The following MRE11 variants were observed in gnomAD, a reference collection of about 807,000 sequenced individuals.
The protein encoded by MRE11 is double-strand break repair protein MRE11.
Under a neutral mutation model 91.7 loss-of-function variants are expected in MRE11, and 62 were observed. The observed-to-expected ratio is 0.68, with a 90% CI of 0.55 to 0.84. The LOEUF is 0.84. MRE11 is among the 40% of genes least tolerant of loss of function. The probability of loss-of-function intolerance (pLI) is 0.00; values close to 1 mark genes in which losing one functional copy is unlikely to be tolerated. For missense variants in MRE11, 796 were observed against 852.9 expected (o/e 0.93, Z 0.83); for synonymous variants, 273 against 271.4 (o/e 1.01, Z -0.06).
At chr11:94,495,571 G>A (rs1565245647), upstream of MRE11, among the ~76,000 whole-genome samples, 1 of 152,114 alleles carries the variant, frequency 6.6e-6, no homozygotes, top group African/African-American at 2.4e-5. Context: ...TTGAGAGGCT[G>A]GGAATTCGTA....
intron 14 of MRE11, among the ~76,000 whole-genome samples, chr11:94,453,940 C>A (rs1005572255): frequency 3.3e-5 from 5 of 151,756 alleles, no homozygotes; most frequent in Non-Finnish European, 4.4e-5. Flanking sequence ...AACAAACAAA[C>A]AAAAAAACAC....
intron 5 of MRE11, 141 bp from the exon 6 acceptor site, chr11:94,479,017 T>C: frequency 1.1e-6 from 1 of 885,836 alleles, no homozygotes; most frequent in African/African-American, 1.7e-5. Context: ...AAAACAAAAT[T>C]ACAATAGTAA....
At chr11:94,502,735 A>G in the MRE11 span, among the ~76,000 whole-genome samples, 2 of 152,020 alleles carry the variant, frequency 1.3e-5, no homozygotes, top group African/African-American at 4.8e-5. Context: ...GTGCACTGGC[A>G]TGATCTCAGC....
chr11:94,458,370 C>T (rs898874039), intron 13 of MRE11, among the ~76,000 whole-genome samples: 15 of 54,044 alleles, frequency 2.8e-4, no homozygotes, highest in Admixed American at 1.3e-3. Flanking sequence ...GATTATACTA[C>T]GCAGTTTTTT....
intron 14 of MRE11, among the ~76,000 whole-genome samples, chr11:94,455,572 G>T (rs1946229276): frequency 1.3e-5 from 2 of 151,960 alleles, no homozygotes; most frequent in Admixed American, 1.3e-4. Context: ...CCAGGTAGAG[G>T]CCCCAAATTT....
At chr11:94,439,754 C>T (rs1945723631) in intron 16 of MRE11, among the ~76,000 whole-genome samples, 1 of 152,190 alleles carries the variant, frequency 6.6e-6, no homozygotes, top group Admixed American at 6.5e-5. Flanking sequence ...ATCATTGTCC[C>T]ATCCTACAGA....
At chr11:94,481,907 T>C (rs1167822131) in intron 4 of MRE11, among the ~76,000 whole-genome samples, 1 of 152,162 alleles carries the variant, frequency 6.6e-6, no homozygotes, top group Non-Finnish European at 1.5e-5. Flanking sequence ...GATTAAATTA[T>C]CCAAAATGAA....
intron 16 of MRE11, among the ~76,000 whole-genome samples, chr11:94,437,647 T>G (rs1369164144): frequency 6.6e-6 from 1 of 152,216 alleles, no homozygotes; most frequent in Non-Finnish European, 1.5e-5. Context: ...CAGTAGTTTC[T>G]CATTTTCCTC....
chr11:94,435,007 G>C (rs531227903), intron 18 of MRE11, among the ~76,000 whole-genome samples: 1 of 152,078 alleles, frequency 6.6e-6, no homozygotes, highest in Admixed American at 6.5e-5. Flanking sequence ...AAATGTTAAC[G>C]TATAAAAGCA....
At chr11:94,500,044 C>A in the MRE11 span, among the ~76,000 whole-genome samples, 1 of 152,102 alleles carries the variant, frequency 6.6e-6, no homozygotes, top group South Asian at 2.1e-4. Context: ...TGCTTTGTGG[C>A]AGAGGTTGCT....
the MRE11 span, among the ~76,000 whole-genome samples, chr11:94,509,855 G>C: frequency 6.6e-6 from 1 of 152,090 alleles, no homozygotes; most frequent in African/African-American, 2.4e-5. Flanking sequence ...TTGCATTCCT[G>C]CAATGATCAA....
intron 13 of MRE11, among the ~76,000 whole-genome samples, chr11:94,457,372 ACT>A (rs1442675241): frequency 6.6e-6 from 1 of 152,024 alleles, no homozygotes; most frequent in Non-Finnish European, 1.5e-5. Flanking sequence ...AATACAGAAA[ACT>A]CTTTGAAGCG....
intron 10 of MRE11, among the ~76,000 whole-genome samples, chr11:94,465,393 C>T (rs868124755): frequency 6.9e-6 from 1 of 145,294 alleles, no homozygotes; most frequent in East Asian, 2.0e-4. Context: ...CTCTCTCTCT[C>T]TCTTTTTTTT....
At position 94,463,878 on chromosome 11, in the gene MRE11, T is replaced by C. The variant is rs542434449; in HGVS notation, c.1225+235A>G. Among the ~76,000 whole-genome samples, 105 of 152,196 alleles carry C rather than the reference T, an allele frequency of 6.9e-4. 1 individual carries two copies. The highest frequency in any genetic ancestry group is 2.4e-3 in the African/African-American group (100 of 41,528). On this transcript the variant is annotated intron_variant, in intron 11 of 19. Coordinates refer to ENST00000323929, the MANE Select transcript of MRE11 (RefSeq NM_005591.4). ...CACACCAACATGGCACATGTATACATATGCAACAAACCTGCACGTTGTGCA... is the reference window on the plus strand; with the variant it reads ...CACACCAACATGGCACATGTATACACATGCAACAAACCTGCACGTTGTGCA...
intron 10 of MRE11, among the ~76,000 whole-genome samples, chr11:94,465,919 AC>A (rs1363119335): frequency 1.3e-5 from 2 of 152,180 alleles, no homozygotes; most frequent in Non-Finnish European, 2.9e-5. Context: ...GGGAAGAAAA[AC>A]ATGTAAACAG....
Position 94,480,008 on chromosome 11 carries a change from G to A in MRE11, c.315-247C>T, listed in dbSNP as rs1946974381. Reference sequence around the variant, plus strand: ...AATAAACAGTGCTTGTGGTATGTATGAGTAGTATATCTAATTAATGAAAAG... The same window carrying A: ...AATAAACAGTGCTTGTGGTATGTATAAGTAGTATATCTAATTAATGAAAAG... On this transcript the variant is annotated intron_variant, in intron 4 of 19. Coordinates refer to ENST00000323929, the MANE Select transcript of MRE11 (RefSeq NM_005591.4). Among the ~76,000 whole-genome samples, 3 of 152,304 alleles carry A rather than the reference G, an allele frequency of 2.0e-5. No homozygotes were observed. In the South Asian group the frequency reaches 6.2e-4, roughly 32 times the overall value.
rs730880378 is a variant in MRE11 at position 94,490,846 on chromosome 11, G to A, written c.140C>T (p.Ala47Val). Residue 47 changes from alanine (A) to valine (V), a missense_variant, in exon 3 of 20, where the codon GCC becomes GTC. Ala to Val is a moderately conservative substitution (Grantham distance 64). Transcript: ENST00000323929. ...AACCACACTCACTTCATTTTCCTGG[G>A]CAAGTCTTAAAATTTCATCGAGTGT... ...FVTLDEILRL[A>V]QENEVDFILL... is the part of the protein sequence containing the mutation. 5 of 1,613,628 alleles carry A rather than the reference G, an allele frequency of 3.1e-6. No homozygotes were observed. In the East Asian group the frequency reaches 1.1e-4, roughly 36 times the overall value.
chr11:94,488,667 C>T (rs1947205009), intron 3 of MRE11, among the ~76,000 whole-genome samples: 1 of 152,112 alleles, frequency 6.6e-6, no homozygotes, highest in South Asian at 2.1e-4. Flanking sequence ...ACGGATGGAG[C>T]TGGAGGCCAT....
At chr11:94,488,323 G>A (rs1266286733) in intron 3 of MRE11, among the ~76,000 whole-genome samples, 4 of 152,098 alleles carry the variant, frequency 2.6e-5, no homozygotes, top group East Asian at 1.9e-4. Context: ...GTGAAATTAC[G>A]GAGAAAAGGG....
Sources: allele counts gnomAD v4.1 joint callset (sites outside exome capture counted in the v4.1 genomes callset), GRCh38; gene constraint gnomAD v4.1.1; transcripts MANE v1.5; gene names NCBI Gene and HGNC (gene_info 2026-07-23, HGNC 2026-07-21).